SF3B1: variants seen among roughly 807,000 people sequenced by gnomAD.
SF3B1 encodes the protein pre-mRNA processing 10.
A neutral mutation model predicts 153.8 loss-of-function variants in SF3B1; 12 were observed. The ratio of observed to expected loss-of-function variants is 0.08; its 90% CI spans 0.05 to 0.13. The LOEUF (loss-of-function observed/expected upper bound fraction) is 0.13, where lower values mean the gene tolerates loss of function less well. Among genes scored for constraint, SF3B1 ranks in the 10% least tolerant of loss-of-function variants. The pLI, the probability that SF3B1 is intolerant of heterozygous loss-of-function variation, is 1.00. For missense variants in SF3B1, 513 were observed against 1,606.1 expected, an observed-to-expected ratio of 0.32 and a Z score of 11.63; for synonymous variants, 498 against 525.2, an observed-to-expected ratio of 0.95 and a Z score of 0.71.
At chr2:197,417,026 T>C (rs1051664351) in intron 5 of SF3B1, 115 bp from the exon 6 acceptor site, 13 of 994,820 alleles carry the variant, frequency 1.3e-5, no homozygotes, top group Non-Finnish European at 1.6e-5. Context: ...CTCTTTTCTA[T>C]GTACTGGTGA....
intron 6 of SF3B1, among the ~76,000 whole-genome samples, chr2:197,413,153 C>A (rs182783112): frequency 2.0e-5 from 3 of 152,212 alleles, no homozygotes; most frequent in African/African-American, 7.2e-5. Flanking sequence ...GTAATCCCAC[C>A]ACTTTGGGAG....
chr2:197,396,440 A>T, intron 22 of SF3B1, 112 bp from the exon 23 acceptor site: 2 of 815,300 alleles, frequency 2.5e-6, no homozygotes, highest in Non-Finnish European at 3.8e-6. Flanking sequence ...CAGGGAACTC[A>T]GTAATTTTAT....
chr2:197,401,544 GTAA>G lies in SF3B1; in HGVS notation c.2371-22_2371-20del, dbSNP rs765593507. 2.5e-6 allele frequency: 4 copies of G among 1,602,882 alleles called. No homozygotes were observed. The highest frequency in any genetic ancestry group is 3.4e-6 in the Non-Finnish European group (4 of 1,174,362). On this transcript the variant is annotated intron_variant, in intron 16 of 24. Coordinates refer to ENST00000335508, the MANE Select transcript of SF3B1 (RefSeq NM_012433.4). The surrounding 1 kb of genome is among the most constrained non-coding windows in gnomAD (Gnocchi z 4.2). ...TTACCACCTAAAAGGTTAAGAAATA[GTAA>G]TAATAAATCAACTGACCTGAAATGA...
rs142315543 is a variant in SF3B1, at chr2:197,420,517, G to A, written c.326C>T (p.Pro109Leu). 2 of 1,611,476 alleles carry A rather than the reference G, an allele frequency of 1.2e-6. No individual in the cohort carries two copies. Among genetic ancestry groups the A allele is most frequent in the African/African-American group, 1.3e-5 (1 of 74,826 alleles). The change falls in exon 4 of 25, where the codon CCT becomes CTT. Residue 109 changes from proline to leucine, a missense_variant. By Grantham distance (98) the Pro-to-Leu change is moderately conservative. Coordinates refer to ENST00000335508, the MANE Select transcript of SF3B1 (RefSeq NM_012433.4). ...EQYDPFAEHR[P>L]PKIADREDEY... ...ATCTTCCCGGTCTGCAATCTTTGGA[G>A]GTCTGTGCTCAGCAAATGGATCATA...
chr2:197,429,553 G>A (rs190664816), intron 1 of SF3B1, among the ~76,000 whole-genome samples: 60 of 152,324 alleles, frequency 3.9e-4, no homozygotes, highest in African/African-American at 1.4e-3. Context: ...GGAGGCCGAT[G>A]TGGATGGATC....
chr2:197,413,163 G>A (rs2085097548), intron 6 of SF3B1, among the ~76,000 whole-genome samples: 1 of 152,140 alleles, frequency 6.6e-6, no homozygotes, highest in Non-Finnish European at 1.5e-5. Context: ...CACTTTGGGA[G>A]GCCAAGGTGG....
At chr2:197,417,615 G>A (rs2085170455) in intron 5 of SF3B1, among the ~76,000 whole-genome samples, 1 of 150,570 alleles carries the variant, frequency 6.6e-6, no homozygotes, top group Non-Finnish European at 1.5e-5. Context: ...AAATTAGCCA[G>A]GCATGGCGGT....
Position 197,403,570 on chromosome 2 carries a change from T to C in SF3B1, c.1719+15A>G, listed in dbSNP as rs951563127. ...AAACTTTAAACTATCAGAAACACTATTAAGGAGAACAAACCTTATGCACAT... is the reference window on the plus strand; with the variant it reads ...AAACTTTAAACTATCAGAAACACTACTAAGGAGAACAAACCTTATGCACAT... On this transcript the variant is annotated intron_variant, in intron 12 of 24. Coordinates refer to ENST00000335508, the MANE Select transcript of SF3B1 (RefSeq NM_012433.4). 2 of 1,514,818 alleles carry C rather than the reference T, an allele frequency of 1.3e-6. No homozygotes were observed. The highest frequency in any genetic ancestry group is 1.4e-5 in the African/African-American group (1 of 69,398). The allele number at this position is 1,514,818 out of a possible 1,614,324, so 93.8% of individuals were successfully genotyped here.
At chr2:197,432,558 G>A (rs1252031814) in intron 1 of SF3B1, among the ~76,000 whole-genome samples, 1 of 152,202 alleles carries the variant, frequency 6.6e-6, no homozygotes, top group Non-Finnish European at 1.5e-5. Flanking sequence ...GAGGATGTGA[G>A]GCCTGATCCT....
intron 1 of SF3B1, among the ~76,000 whole-genome samples, chr2:197,430,662 C>T (rs1045832138): frequency 1.3e-5 from 2 of 152,332 alleles, no homozygotes; most frequent in Admixed American, 6.5e-5. Flanking sequence ...CCATGTTGAT[C>T]AAGCTGGTCT....
intron 24 of SF3B1, 80 bp downstream of exon 24, chr2:197,392,892 G>A (rs568502623): frequency 1.2e-4 from 97 of 831,348 alleles, no homozygotes; most frequent in African/African-American, 2.1e-4. Context: ...AAACCTGCAC[G>A]TTCAGCACAA....
rs1355004773 is a variant in SF3B1, at chr2:197,390,582, ATGCT to A, written c.*1717_*1720del. ...TACAAATCCAACTTGGAAACCCTTA[ATGCT>A]CACTATCAATTTGTTGAAAGTCAAT... On this transcript the variant is annotated 3_prime_UTR_variant, in exon 25 of 25. Coordinates refer to ENST00000335508, the MANE Select transcript of SF3B1 (RefSeq NM_012433.4). The A allele has an allele frequency of 6.6e-6, 1 of 151,602 alleles. No individual in the cohort carries two copies. The highest frequency in any genetic ancestry group is 1.5e-5 in the Non-Finnish European group (1 of 67,988). The allele number at this position is 151,602 out of a possible 1,614,324, so 9.4% of individuals were successfully genotyped here. A position where few individuals can be genotyped will look rare whatever the true frequency, so the allele number is the denominator to read the frequency against.
intron 6 of SF3B1, among the ~76,000 whole-genome samples, chr2:197,413,517 T>G (rs2085102196): frequency 6.6e-6 from 1 of 152,168 alleles, no homozygotes; most frequent in Non-Finnish European, 1.5e-5. Context: ...TAAACTAAAT[T>G]GTTTAGAAAT....
chr2:197,421,412 G>C (rs929919557), intron 2 of SF3B1, among the ~76,000 whole-genome samples: 1 of 152,094 alleles, frequency 6.6e-6, no homozygotes, highest in Non-Finnish European at 1.5e-5. Context: ...AAAAACCTGT[G>C]CATTTAATTT....
At chr2:197,398,399 T>A in intron 21 of SF3B1, 62 bp downstream of exon 21, 1 of 1,588,820 alleles carries the variant, frequency 6.3e-7, no homozygotes, top group Non-Finnish European at 8.6e-7. Flanking sequence ...GCTAATTGAA[T>A]ACAAAGTGGC....
intron 4 of SF3B1, chr2:197,419,909 A>C (rs956455449): frequency 4.5e-6 from 1 of 222,654 alleles, no homozygotes; most frequent in African/African-American, 2.2e-5. Context: ...AGCAAAACAG[A>C]CTCCAACTAT....
chr2:197,401,316 AAAT>A lies in SF3B1; in HGVS notation c.2496+81_2496+83del, dbSNP rs2084935007. The A allele has an allele frequency of 7.8e-7, 1 of 1,286,982 alleles. No homozygotes were observed. The highest frequency in any genetic ancestry group is 1.5e-5 in the African/African-American group (1 of 66,760). 79.7% of individuals were successfully genotyped at this position (1,286,982 alleles called of 1,614,324 possible). ...TAAACTGTGAGATAATCAAGGCAAA[AAAT>A]AATATACAACATGCATTCAAGTTGA... On this transcript the variant is annotated intron_variant, in intron 17 of 24. Transcript: ENST00000335508. This position sits in a 1 kb window ranked among gnomAD's most constrained non-coding sequence, Gnocchi z 4.2.
intron 2 of SF3B1, among the ~76,000 whole-genome samples, chr2:197,422,546 TATA>T (rs901025641): frequency 2.6e-5 from 4 of 151,624 alleles, no homozygotes; most frequent in Non-Finnish European, 5.9e-5. Flanking sequence ...GAATTTAAAG[TATA>T]ATAATAATAA....
intron 5 of SF3B1, 110 bp downstream of exon 5, chr2:197,418,399 A>T: frequency 1.4e-6 from 1 of 692,804 alleles, no homozygotes; most frequent in Non-Finnish European, 2.3e-6. Flanking sequence ...AATTTTTATT[A>T]ATACTATTAT....
Sources: allele counts gnomAD v4.1 joint callset (sites outside exome capture counted in the v4.1 genomes callset), GRCh38; gene constraint gnomAD v4.1.1; non-coding constraint Gnocchi (gnomAD v3.1); transcripts MANE v1.5; gene names NCBI Gene and HGNC (gene_info 2026-07-23, HGNC 2026-07-21).